The following SCN8A variants were observed in gnomAD, a reference collection of about 807,000 sequenced individuals.
SCN8A encodes sodium voltage-gated channel alpha subunit 8.
Under a neutral mutation model 184.1 loss-of-function variants are expected in SCN8A, and 30 were observed. That is an observed-to-expected ratio of 0.16 (90% CI 0.12 to 0.22). The LOEUF is 0.22. Among genes scored for constraint, SCN8A ranks in the 10% least tolerant of loss-of-function variants. SCN8A has a pLI of 1.00. For missense variants in SCN8A, 1,057 were observed against 2,498.9 expected (o/e 0.42, Z 12.30); for synonymous variants, 852 against 907.0 (o/e 0.94, Z 1.09).
intron 14 of SCN8A, among the ~76,000 whole-genome samples, chr12:51,753,972 G>T (rs554003865): frequency 6.6e-6 from 1 of 152,232 alleles, no homozygotes; most frequent in East Asian, 1.9e-4. Context: ...AGCCCTAATT[G>T]TGAGTTAAGT....
At chr12:51,751,859 GT>G (rs1435206517) in intron 14 of SCN8A, among the ~76,000 whole-genome samples, 1 of 152,216 alleles carries the variant, frequency 6.6e-6, no homozygotes, top group Non-Finnish European at 1.5e-5. Flanking sequence ...GCCTGGTACA[GT>G]GGGTTGGTTT....
chr12:51,647,817 T>G (rs2138645381), intron 1 of SCN8A, among the ~76,000 whole-genome samples: 1 of 152,326 alleles, frequency 6.6e-6, no homozygotes, highest in South Asian at 2.1e-4. Flanking sequence ...TCCATCTGGC[T>G]GCATTTTTCT....
At chr12:51,639,020 G>GC (rs1940382576) in intron 1 of SCN8A, among the ~76,000 whole-genome samples, 1 of 151,814 alleles carries the variant, frequency 6.6e-6, no homozygotes, top group Non-Finnish European at 1.5e-5. Context: ...TCGCTTTATC[G>GC]CTCAGGCTTG....
intron 16 of SCN8A, among the ~76,000 whole-genome samples, chr12:51,767,274 A>G (rs577641148): frequency 3.3e-5 from 5 of 152,210 alleles, no homozygotes; most frequent in African/African-American, 7.2e-5. Context: ...TATTTGTCTC[A>G]AAGACATCTC....
At chr12:51,682,904 C>T (rs1157824244) in intron 2 of SCN8A, among the ~76,000 whole-genome samples, 11 of 152,204 alleles carry the variant, frequency 7.2e-5, no homozygotes, top group Admixed American at 7.2e-4. Context: ...CCTGCAGCTA[C>T]ATGCTACTAT....
Position 51,808,523 on chromosome 12 carries a change from A to AG in SCN8A, c.*1094_*1095insG, listed in dbSNP as rs1250234903. 8.5e-5 allele frequency: 13 copies of AG among 152,566 alleles called. 1 individual carries two copies. The highest frequency in any genetic ancestry group is 7.2e-4 in the Admixed American group (11 of 15,272). 9.5% of individuals were successfully genotyped at this position (152,566 alleles called of 1,614,324 possible). A position where few individuals can be genotyped will look rare whatever the true frequency, so the allele number is the denominator to read the frequency against. On this transcript the variant is annotated 3_prime_UTR_variant, in exon 27 of 27. Coordinates refer to ENST00000627620, the MANE Select transcript of SCN8A (RefSeq NM_001330260.2). ...ACCAAATCCTAGGGCTAAAAAAAAA[A>AG]TTCATTTGTATCTTGCAATATTTAT...
chr12:51,793,151 C>A (rs1051523130), intron 25 of SCN8A, among the ~76,000 whole-genome samples: 1 of 152,076 alleles, frequency 6.6e-6, no homozygotes, highest in South Asian at 2.1e-4. Flanking sequence ...CCATACAAGT[C>A]CAGATGAGAG....
intron 11 of SCN8A, chr12:51,712,709 C>G: frequency 1.0e-6 from 1 of 961,978 alleles, no homozygotes; most frequent in Admixed American, 1.7e-5. Flanking sequence ...ACCACACCAC[C>G]TTGGTTTCCA....
At chr12:51,680,374 G>T (rs1941309407) in intron 2 of SCN8A, among the ~76,000 whole-genome samples, 2 of 152,182 alleles carry the variant, frequency 1.3e-5, no homozygotes, top group South Asian at 2.1e-4. Flanking sequence ...AAGATGCTTA[G>T]TTTCCCCCAG....
intron 20 of SCN8A, among the ~76,000 whole-genome samples, chr12:51,775,559 G>A (rs1002461466): frequency 2.0e-5 from 3 of 152,196 alleles, no homozygotes; most frequent in Non-Finnish European, 2.9e-5. Context: ...CCCTCGCAGC[G>A]AGAGATGTTA....
rs751996832 is a variant in SCN8A at position 51,794,928 on chromosome 12, C to CT, written c.4795+288dup. Among the ~76,000 whole-genome samples, 5 of 152,038 alleles carry CT rather than the reference C, an allele frequency of 3.3e-5. No homozygotes were observed. In the East Asian group the frequency reaches 5.8e-4, roughly 18 times the overall value. On this transcript the variant is annotated intron_variant, in intron 26 of 26. Coordinates refer to ENST00000627620, the MANE Select transcript of SCN8A (RefSeq NM_001330260.2). ...TTCTTGCTTTTAAGGAGTTTAAAGT[C>CT]TAACAGGGAAGGTAAAAGAAAGTTG... is the stretch of plus-strand genomic sequence containing the variant.
At position 51,721,909 on chromosome 12, in the gene SCN8A, G is replaced by A. The variant is rs751964974; in HGVS notation, c.1998+1G>A. 3 of 1,600,010 alleles carry A rather than the reference G, an allele frequency of 1.9e-6. No individual in the cohort carries two copies. The highest frequency in any genetic ancestry group is 2.5e-6 in the Non-Finnish European group (3 of 1,179,804). ...CATCGGCGGGCGTCTCCTGCCAGAG[G>A]TGAAAATTGATAAGGCAGCTACCGA... On this transcript the variant is annotated splice_donor_variant, in intron 12 of 26. Coordinates refer to ENST00000627620, the MANE Select transcript of SCN8A (RefSeq NM_001330260.2). LOFTEE classifies it high-confidence loss of function.
intron 1 of SCN8A, among the ~76,000 whole-genome samples, chr12:51,659,445 CT>C (rs1323698156): frequency 1.1e-4 from 17 of 152,146 alleles, no homozygotes; most frequent in African/African-American, 4.1e-4. Context: ...TACTTTATTG[CT>C]TTATTGTATT....
chr12:51,676,387 G>A (rs957239349), intron 2 of SCN8A, among the ~76,000 whole-genome samples: 1 of 152,166 alleles, frequency 6.6e-6, no homozygotes, highest in African/African-American at 2.4e-5. Flanking sequence ...CAGGTCATTT[G>A]TTTCTGAACA....
intron 1 of SCN8A, among the ~76,000 whole-genome samples, chr12:51,637,183 G>C (rs888747181): frequency 6.6e-6 from 1 of 152,128 alleles, no homozygotes; most frequent in East Asian, 1.9e-4. Context: ...TGTTCTGACT[G>C]CTCCACTGAC....
intron 10 of SCN8A, 64 bp from the exon 11 acceptor site, chr12:51,706,358 T>C (rs1941782857): frequency 7.0e-7 from 1 of 1,438,020 alleles, no homozygotes; most frequent in African/African-American, 1.4e-5. Flanking sequence ...TACTAACTGG[T>C]TGGCTTTGGG....
intron 12 of SCN8A, among the ~76,000 whole-genome samples, chr12:51,730,380 A>T (rs1285170050): frequency 6.6e-6 from 1 of 152,128 alleles, no homozygotes; most frequent in Non-Finnish European, 1.5e-5. Context: ...TGTTCCCTTG[A>T]TCTGTTTGTC....
chr12:51,687,979 A>G (rs2138714608), intron 5 of SCN8A, among the ~76,000 whole-genome samples: 1 of 152,360 alleles, frequency 6.6e-6, no homozygotes, highest in East Asian at 1.9e-4. Context: ...TTAAATATGT[A>G]TTGATCTGAG....
chr12:51,594,396 A>G (rs970733215), intron 1 of SCN8A, among the ~76,000 whole-genome samples: 2 of 152,224 alleles, frequency 1.3e-5, no homozygotes, highest in Non-Finnish European at 2.9e-5. Context: ...AACATACAAG[A>G]AACTTGCACT....
Sources: gnomAD v4.1 joint callset for allele counts (sites outside exome capture counted in the v4.1 genomes callset) on GRCh38, gnomAD v4.1.1 for gene constraint, MANE v1.5 for transcripts, NCBI Gene and HGNC (gene_info 2026-07-23, HGNC 2026-07-21) for gene names.